Variants in OTUD7A observed in about 807,000 individuals in gnomAD.
The protein encoded by OTUD7A is OTU domain-containing protein 7A.
OTUD7A carries 12 observed loss-of-function variants against 65.7 expected under a neutral mutation model. The ratio of observed to expected loss-of-function variants is 0.18; its 90% CI spans 0.12 to 0.30. OTUD7A has a LOEUF of 0.30. OTUD7A is among the 10% of genes least tolerant of loss of function. The pLI, the probability that OTUD7A is intolerant of heterozygous loss-of-function variation, is 1.00. For missense variants in OTUD7A, 1,148 were observed against 1,304.8 expected (o/e 0.88, Z 1.85); for synonymous variants, 641 against 586.3 (o/e 1.09, Z -1.35).
intron 1 of OTUD7A, among the ~76,000 whole-genome samples, chr15:31,673,295 A>C (rs1892525821): frequency 6.6e-6 from 1 of 152,244 alleles, no homozygotes; most frequent in Admixed American, 6.5e-5. Context: ...AGTATCCACA[A>C]GGAATAATAA....
At chr15:31,800,215 G>A (rs935093953) in intron 1 of OTUD7A, among the ~76,000 whole-genome samples, 1 of 152,136 alleles carries the variant, frequency 6.6e-6, no homozygotes, top group Non-Finnish European at 1.5e-5. Context: ...AGCTCACCAA[G>A]TAGGAGCTTT....
intron 6 of OTUD7A, 58 bp downstream of exon 6, chr15:31,530,649 G>A: frequency 6.8e-7 from 1 of 1,477,984 alleles, no homozygotes; most frequent in East Asian, 2.3e-5. Context: ...AATAGCATAT[G>A]TCTTTCCTTA....
chr15:31,556,677 A>C (rs1410174426), intron 5 of OTUD7A: 2 of 152,262 alleles, frequency 1.3e-5, no homozygotes, highest in African/African-American at 4.8e-5. Flanking sequence ...CACACGAAAC[A>C]CAGCACTCAG....
chr15:31,562,568 G>A (rs1888725944), intron 4 of OTUD7A, among the ~76,000 whole-genome samples: 1 of 151,966 alleles, frequency 6.6e-6, no homozygotes, highest in African/African-American at 2.4e-5. Flanking sequence ...GCTGTGCTGG[G>A]CCTCCTGTTT....
chr15:31,732,246 C>T (rs935443503), intron 1 of OTUD7A, among the ~76,000 whole-genome samples: 5 of 152,228 alleles, frequency 3.3e-5, no homozygotes, highest in African/African-American at 1.2e-4. Context: ...ATGCATTCTA[C>T]TGTCATAAGA....
chr15:31,671,815 A>T (rs1399633432), intron 1 of OTUD7A, among the ~76,000 whole-genome samples: 1 of 152,188 alleles, frequency 6.6e-6, no homozygotes, highest in Non-Finnish European at 1.5e-5. Flanking sequence ...GGTTTGTGAT[A>T]TACGTAAACT....
At chr15:31,740,908 T>G (rs543064191) in intron 1 of OTUD7A, among the ~76,000 whole-genome samples, 3 of 152,310 alleles carry the variant, frequency 2.0e-5, no homozygotes, top group African/African-American at 4.8e-5. Flanking sequence ...ACAGACAGAA[T>G]AGACTTTTAG....
At chr15:31,740,615 A>G (rs993492564) in intron 1 of OTUD7A, among the ~76,000 whole-genome samples, 5 of 151,988 alleles carry the variant, frequency 3.3e-5, no homozygotes, top group African/African-American at 1.2e-4. Flanking sequence ...AAAAGAAGGC[A>G]TAAGTGAGAG....
intron 1 of OTUD7A, among the ~76,000 whole-genome samples, chr15:31,800,364 G>T (rs540828101): frequency 6.6e-6 from 1 of 152,282 alleles, no homozygotes; most frequent in Admixed American, 6.5e-5. Flanking sequence ...CCAAGGAGAG[G>T]CCAGGCACCT....
chr15:31,735,467 G>C (rs1451485363), intron 1 of OTUD7A, among the ~76,000 whole-genome samples: 1 of 151,746 alleles, frequency 6.6e-6, no homozygotes, highest in South Asian at 2.1e-4. Flanking sequence ...GGCAGAGGTT[G>C]CAGTGAGCCA....
At chr15:31,806,079 A>C (rs1362489968) in intron 1 of OTUD7A, among the ~76,000 whole-genome samples, 1 of 152,206 alleles carries the variant, frequency 6.6e-6, no homozygotes, top group African/African-American at 2.4e-5. Flanking sequence ...TTAGCAATAA[A>C]ATTCAAGAGT....
chr15:31,507,854 T>TG (rs1408110197), intron 8 of OTUD7A, among the ~76,000 whole-genome samples: 2 of 152,118 alleles, frequency 1.3e-5, no homozygotes, highest in African/African-American at 2.4e-5. Flanking sequence ...ACAGAAAAGT[T>TG]CTCCAAGTCC....
At chr15:31,807,812 C>T (rs951529278) in intron 1 of OTUD7A, among the ~76,000 whole-genome samples, 1 of 152,062 alleles carries the variant, frequency 6.6e-6, no homozygotes, top group Non-Finnish European at 1.5e-5. Flanking sequence ...CCCAACCCCC[C>T]AAAAAAACCC....
At chr15:31,640,330 A>C (rs1291639120) in intron 3 of OTUD7A, among the ~76,000 whole-genome samples, 1 of 152,210 alleles carries the variant, frequency 6.6e-6, no homozygotes, top group Non-Finnish European at 1.5e-5. Flanking sequence ...TGGGTGCACC[A>C]AAATCTCACA....
At chr15:31,786,269 A>G (rs1385016210) in intron 1 of OTUD7A, among the ~76,000 whole-genome samples, 3 of 152,314 alleles carry the variant, frequency 2.0e-5, no homozygotes, top group Middle Eastern at 3.4e-3. Flanking sequence ...AAAACAAACT[A>G]ATACAGCTGG....
intron 8 of OTUD7A, among the ~76,000 whole-genome samples, chr15:31,519,577 C>T (rs1362481620): frequency 6.6e-6 from 1 of 152,168 alleles, no homozygotes; most frequent in African/African-American, 2.4e-5. Context: ...AGCTTTTCCT[C>T]TAAGGACTGG....
intron 1 of OTUD7A, among the ~76,000 whole-genome samples, chr15:31,795,293 G>T (rs1895922794): frequency 6.6e-6 from 1 of 152,174 alleles, no homozygotes; most frequent in Non-Finnish European, 1.5e-5. Context: ...TCATCTACTA[G>T]GCCCTTGTCT....
chr15:31,687,204 C>T (rs1173398910), intron 1 of OTUD7A, among the ~76,000 whole-genome samples: 3 of 151,680 alleles, frequency 2.0e-5, no homozygotes, highest in Non-Finnish European at 2.9e-5. Flanking sequence ...TCAGGCCTAG[C>T]GAGGGGAGGC....
At chr15:31,597,311 C>G (rs995727021) in intron 3 of OTUD7A, among the ~76,000 whole-genome samples, 1 of 152,110 alleles carries the variant, frequency 6.6e-6, no homozygotes, top group Non-Finnish European at 1.5e-5. Flanking sequence ...TTTCCATAGC[C>G]CTTTTTTGGC....
Sources: allele counts gnomAD v4.1 joint callset (sites outside exome capture counted in the v4.1 genomes callset), GRCh38; gene constraint gnomAD v4.1.1; transcripts MANE v1.5; gene names NCBI Gene and HGNC (gene_info 2026-07-23, HGNC 2026-07-21).